TOP3A: variants seen among roughly 807,000 people sequenced by gnomAD.
The protein encoded by TOP3A is DNA topoisomerase III alpha.
TOP3A carries 64 observed loss-of-function variants against 111.3 expected under a neutral mutation model. The ratio of observed to expected loss-of-function variants is 0.57; its 90% CI spans 0.47 to 0.71. The LOEUF (loss-of-function observed/expected upper bound fraction) is 0.71. TOP3A is among the 30% of genes least tolerant of loss of function. TOP3A has a pLI of 0.00. For synonymous variants in TOP3A, 484 were observed against 485.1 expected, an observed-to-expected ratio of 1.00 and a Z score of 0.03; for missense variants, 1,104 against 1,285.0, an observed-to-expected ratio of 0.86 and a Z score of 2.15.
At chr17:18,291,164 GC>G in intron 11 of TOP3A, 137 bp from the exon 12 acceptor site, 1 of 859,688 alleles carries the variant, frequency 1.2e-6, no homozygotes, top group Non-Finnish European at 1.7e-6. Flanking sequence ...AACATGGAGT[GC>G]CAGGCAAACA....
At chr17:18,312,791 A>G in intron 1 of TOP3A, 1 of 201,886 alleles carries the variant, frequency 5.0e-6, no homozygotes, top group African/African-American at 2.3e-5. Flanking sequence ...AGGACGAGGC[A>G]TCTGATGTAT....
At chr17:18,313,995 G>T (rs1982083356) in intron 1 of TOP3A, among the ~76,000 whole-genome samples, 1 of 152,184 alleles carries the variant, frequency 6.6e-6, no homozygotes, top group Non-Finnish European at 1.5e-5. Flanking sequence ...CCTCCCGTGT[G>T]TGTAGAACAC....
intron 17 of TOP3A, among the ~76,000 whole-genome samples, chr17:18,278,842 G>A (rs1979571899): frequency 6.6e-6 from 1 of 152,192 alleles, no homozygotes; most frequent in African/African-American, 2.4e-5. Context: ...GCTGGGCATG[G>A]TGGCACGCGC....
Position 18,282,686 on chromosome 17 carries a change from C to T in TOP3A, c.2021+12G>A. ...GGGGAGCAGAGGTGGGGGCAGAAGG[C>T]AGCGCACTCACCCGCCATTCTTCTT... On this transcript the variant is annotated intron_variant, in intron 16 of 18. Transcript: ENST00000321105. 1.2e-6 allele frequency: 2 copies of T among 1,612,756 alleles called. No homozygotes were observed. Among genetic ancestry groups the T allele is most frequent in the South Asian group, 1.1e-5 (1 of 91,016 alleles).
rs1473403169 is a variant in TOP3A, at chr17:18,307,150, G to T, written c.315-184C>A. 4 of 484,662 alleles carry T rather than the reference G, an allele frequency of 8.3e-6. No individual in the cohort carries two copies. The Admixed American group carries it at 1.5e-4, about 18-fold the overall frequency. The allele number at this position is 484,662 out of a possible 1,614,324, so 30.0% of individuals were successfully genotyped here. A position where few individuals can be genotyped will look rare whatever the true frequency, so the allele number is the denominator to read the frequency against. The stretch of plus-strand genomic sequence containing the variant: ...TCCACTTCTCCAAGAGTGTGAACAG[G>T]ACTGATAAGATGGCATTCTGGAGCC... On this transcript the variant is annotated intron_variant, in intron 3 of 18. Transcript: ENST00000321105.
Position 18,282,794 on chromosome 17 carries a change from G to A in TOP3A, c.1925C>T (p.Ala642Val), listed in dbSNP as rs768055924. The change falls in exon 16 of 19, where the codon GCC becomes GTC. Residue 642 changes from alanine (A) to valine (V), a missense_variant. Ala to Val is a moderately conservative substitution (Grantham distance 64, BLOSUM62 0). Coordinates refer to ENST00000321105, the MANE Select transcript of TOP3A (RefSeq NM_004618.5). ...GGCTGGGTAGATATCTTCTTGCTGGGCCAACTCTGTCCCATTCCCAAAGTA... is the reference window on the plus strand; with the variant it reads ...GGCTGGGTAGATATCTTCTTGCTGGACCAACTCTGTCCCATTCCCAAAGTA... Reference protein sequence around the residue: ...AQYFGNGTELAQQEDIYPAMP... With the variant: ...AQYFGNGTELVQQEDIYPAMP... The A allele has an allele frequency of 2.1e-5, 34 of 1,614,054 alleles. No individual in the cohort carries two copies. The highest frequency in any genetic ancestry group is 1.6e-4 in the Middle Eastern group (1 of 6,076).
intron 13 of TOP3A, among the ~76,000 whole-genome samples, chr17:18,288,149 A>ATATATATATATATATATATATATATATAT (rs1301508954): frequency 1.6e-5 from 2 of 121,876 alleles, no homozygotes; most frequent in Admixed American, 7.9e-5. Context: ...ATATATATAT[A>ATATATATATATATATATATATATATATAT]AATTTTTTTT....
At position 18,273,856 on chromosome 17, in the gene TOP3A, T is replaced by A. The variant is rs1979153973; in HGVS notation, c.*946A>T. 6.6e-6 allele frequency: 1 copy of A among 152,258 alleles called. No individual in the cohort carries two copies. Among genetic ancestry groups the A allele is most frequent in the African/African-American group, 2.4e-5 (1 of 41,458 alleles). 9.4% of individuals were successfully genotyped at this position (152,258 alleles called of 1,614,324 possible). A position where few individuals can be genotyped will look rare whatever the true frequency, so the allele number is the denominator to read the frequency against. On this transcript the variant is annotated 3_prime_UTR_variant, in exon 19 of 19. Coordinates refer to ENST00000321105, the MANE Select transcript of TOP3A (RefSeq NM_004618.5). ...CCAGGCTGGTCTTGAACTCCTGATC[T>A]CAAGCAATCCTCCAGCCTTGGCCTC...
At position 18,273,598 on chromosome 17, in the gene TOP3A, C is replaced by T. The variant is rs747215978; in HGVS notation, c.*1204G>A. On this transcript the variant is annotated 3_prime_UTR_variant, in exon 19 of 19. Coordinates refer to ENST00000321105, the MANE Select transcript of TOP3A (RefSeq NM_004618.5). ...ATGTTCCCCAGACCCTCTGCACTCT[C>T]GCAGGTCAGAGTAAAAAAAGGTTGG... Among the ~76,000 whole-genome samples, 10 of 152,112 alleles carry T rather than the reference C, an allele frequency of 6.6e-5. No homozygotes were observed. The highest frequency in any genetic ancestry group is 3.9e-4 in the East Asian group (2 of 5,182).
chr17:18,295,175 C>G (rs1597972692), intron 9 of TOP3A, among the ~76,000 whole-genome samples: 2 of 151,390 alleles, frequency 1.3e-5, no homozygotes, highest in Admixed American at 1.3e-4. Flanking sequence ...TTTTTTGAGA[C>G]GGAGTCTCGC....
At chr17:18,280,490 G>A (rs780780886) in intron 17 of TOP3A, 46 bp downstream of exon 17, 20 of 1,600,122 alleles carry the variant, frequency 1.2e-5, no homozygotes, top group Non-Finnish European at 1.7e-5. Context: ...GGGAAAGATG[G>A]TGTACACACT....
chr17:18,288,131 TTATA>T (rs142429216), intron 13 of TOP3A, among the ~76,000 whole-genome samples: 37,756 of 122,754 alleles, frequency 0.31, 5,970 homozygotes, highest in African/African-American at 0.39. Context: ...CTGTTAATAA[TTATA>T]TATATATATA....
Position 18,305,173 on chromosome 17 carries a change from C to A in TOP3A, c.438G>T (p.Trp146Cys), listed in dbSNP as rs939558974. ...ETRQCQALVIWTDCDREGENI... is the reference protein window; with the variant it reads ...ETRQCQALVICTDCDREGENI... ...TTTCGCCTTCTCTATCACAGTCAGTCCAGATCACCAGAGCCTGGCACTGGC... is the reference window on the plus strand; with the variant it reads ...TTTCGCCTTCTCTATCACAGTCAGTACAGATCACCAGAGCCTGGCACTGGC... The change falls in exon 5 of 19, where the codon TGG becomes TGT. Residue 146 changes from tryptophan (W) to cysteine (C), a missense_variant. Physicochemically the swap from Trp to Cys is radical, Grantham distance 215. Coordinates refer to ENST00000321105, the MANE Select transcript of TOP3A (RefSeq NM_004618.5). 1.2e-6 allele frequency: 2 copies of A among 1,614,070 alleles called. No homozygotes were observed. The highest frequency in any genetic ancestry group is 2.7e-5 in the African/African-American group (2 of 74,936).
intron 9 of TOP3A, among the ~76,000 whole-genome samples, chr17:18,298,319 C>G (rs982684475): frequency 5.3e-5 from 8 of 151,106 alleles, no homozygotes; most frequent in Admixed American, 1.3e-4. Flanking sequence ...GCCACCTCGT[C>G]CGGCAGGGAG....
intron 15 of TOP3A, among the ~76,000 whole-genome samples, chr17:18,283,676 A>G (rs964620101): frequency 4.6e-5 from 7 of 152,162 alleles, no homozygotes; most frequent in Non-Finnish European, 8.8e-5. Flanking sequence ...TCAGTCCCAG[A>G]AGACTGCTGC....
In TOP3A at chr17:18,274,756, A is replaced by G; in HGVS notation, c.*46T>C. 2 of 1,575,594 alleles carry G rather than the reference A, an allele frequency of 1.3e-6. No individual in the cohort carries two copies. On this transcript the variant is annotated 3_prime_UTR_variant, in exon 19 of 19. Transcript: ENST00000321105. ...CCTGGTTAACTCATTTCTAAACACA[A>G]AGGGGACAGGTCTGAGAAAGTGGCG...
chr17:18,278,811 C>T (rs925354168), intron 17 of TOP3A, among the ~76,000 whole-genome samples: 1 of 152,156 alleles, frequency 6.6e-6, no homozygotes, highest in Non-Finnish European at 1.5e-5. Context: ...AACCCCATCT[C>T]TACCAAAAAT....
intron 18 of TOP3A, among the ~76,000 whole-genome samples, chr17:18,277,191 A>C (rs2142930901): frequency 6.6e-6 from 1 of 151,476 alleles, no homozygotes; most frequent in South Asian, 2.1e-4. Flanking sequence ...TCTCCAAAAA[A>C]AAAAAAAAAA....
chr17:18,278,165 C>A lies in TOP3A; in HGVS notation c.2337G>T (p.Gln779His). The A allele has an allele frequency of 6.2e-7, 1 of 1,614,114 alleles. No individual in the cohort carries two copies. Among genetic ancestry groups the A allele is most frequent in the South Asian group, 1.1e-5 (1 of 91,090 alleles). Residue 779 changes from glutamine (Q) to histidine (H), a missense_variant, in exon 18 of 19, where the codon CAG becomes CAT. Coordinates refer to ENST00000321105, the MANE Select transcript of TOP3A (RefSeq NM_004618.5). ...GTCTGCTGTCAGCAGGCTGGGGGTG[C>A]TGGCTGTTGTCCATCCTGTTCAGGG... Reference protein sequence around the residue: ...NQSLNRMDNSQHPQPADSRQT... With the variant: ...NQSLNRMDNSHHPQPADSRQT...
Sources: gnomAD v4.1 joint callset for allele counts (sites outside exome capture counted in the v4.1 genomes callset) on GRCh38, gnomAD v4.1.1 for gene constraint, MANE v1.5 for transcripts, NCBI Gene and HGNC (gene_info 2026-07-23, HGNC 2026-07-21) for gene names.